RAB4B: variants seen among roughly 807,000 people sequenced by gnomAD.
RAB4B encodes the protein ras-related protein Rab-4B.
A neutral mutation model predicts 28.3 loss-of-function variants in RAB4B; 15 were observed. The ratio of observed to expected loss-of-function variants is 0.53; its 90% CI spans 0.35 to 0.82. The LOEUF (loss-of-function observed/expected upper bound fraction) is 0.82. Ranked by LOEUF, RAB4B falls within the 40% of genes least tolerant of loss-of-function variation. RAB4B has a pLI of 0.01. For synonymous variants in RAB4B, 108 were observed against 116.3 expected, an observed-to-expected ratio of 0.93 and a Z score of 0.46; for missense variants, 244 against 288.5, an observed-to-expected ratio of 0.85 and a Z score of 1.12.
At chr19:40,795,917 G>A (rs1449766925) in intron 7 of RAB4B, among the ~76,000 whole-genome samples, 1 of 150,310 alleles carries the variant, frequency 6.7e-6, no homozygotes. Flanking sequence ...ATGTTGGTCA[G>A]GCTGGTCTGG....
intron 1 of RAB4B, 37 bp downstream of exon 1, chr19:40,778,428 G>C: frequency 7.0e-7 from 1 of 1,424,218 alleles, no homozygotes. Context: ...CCTGGGTCTG[G>C]GCCCAGGGAG....
chr19:40,795,369 TTTTATTTATTTA>T (rs10594318), intron 7 of RAB4B, among the ~76,000 whole-genome samples: 40,660 of 145,518 alleles, frequency 0.28, 7,137 homozygotes, highest in East Asian at 0.44. Flanking sequence ...GGCAGGTTCA[TTTTATTTATTTA>T]TTTATTTATT....
At chr19:40,788,640 G>A (rs2083125998) in intron 7 of RAB4B, among the ~76,000 whole-genome samples, 1 of 150,952 alleles carries the variant, frequency 6.6e-6, no homozygotes. Flanking sequence ...AGGATGGAGT[G>A]CTGTGGCGTG....
chr19:40,791,074 C>G (rs931198040), intron 7 of RAB4B, among the ~76,000 whole-genome samples: 1 of 152,034 alleles, frequency 6.6e-6, no homozygotes, highest in Admixed American at 6.6e-5. Context: ...CCAGGATGGT[C>G]TCGATCTCCT....
intron 7 of RAB4B, among the ~76,000 whole-genome samples, chr19:40,790,351 T>G (rs1197478874): frequency 6.7e-6 from 1 of 149,062 alleles, no homozygotes; most frequent in Non-Finnish European, 1.5e-5. Flanking sequence ...TCTTGGCCTC[T>G]CTCTTTTTTT....
Position 40,778,313 on chromosome 19 carries a change from C to T in RAB4B, c.-63C>T. Reference sequence around the variant, plus strand: ...GGCTGTAGCCGGAGTGGAGCGGCTGCCAGCCGAGGAGCAGGCGCGGCCGCG... The same window carrying T: ...GGCTGTAGCCGGAGTGGAGCGGCTGTCAGCCGAGGAGCAGGCGCGGCCGCG... On this transcript the variant is annotated 5_prime_UTR_variant, in exon 1 of 8. Transcript: ENST00000357052. 6.8e-7 allele frequency: 1 copy of T among 1,464,668 alleles called. No individual in the cohort carries two copies. The highest frequency in any genetic ancestry group is 9.0e-7 in the Non-Finnish European group (1 of 1,106,072). 90.7% of individuals were successfully genotyped at this position (1,464,668 alleles called of 1,614,324 possible). A position where few individuals can be genotyped will look rare whatever the true frequency, so the allele number is the denominator to read the frequency against.
chr19:40,796,192 G>A (rs1196989169), intron 7 of RAB4B: 1 of 152,168 alleles, frequency 6.6e-6, no homozygotes, highest in Non-Finnish European at 1.5e-5. Flanking sequence ...GTAGAGACGG[G>A]GTTTCGTGGT....
intron 5 of RAB4B, among the ~76,000 whole-genome samples, chr19:40,784,496 A>AAAC (rs112167083): frequency 0.52 from 78,968 of 151,032 alleles, 21,688 homozygotes; most frequent in East Asian, 0.64. Context: ...CTGTCTCCAA[A>AAAC]AACAACAACA....
chr19:40,796,304 T>A (rs1240915727), intron 7 of RAB4B: 16 of 152,244 alleles, frequency 1.1e-4, no homozygotes, highest in Admixed American at 8.5e-4. Context: ...TCCATCCAGA[T>A]TCATGATATT....
intron 7 of RAB4B, among the ~76,000 whole-genome samples, chr19:40,788,171 C>T (rs568110033): frequency 6.6e-6 from 1 of 151,934 alleles, no homozygotes; most frequent in East Asian, 1.9e-4. Flanking sequence ...ATGGTGCTGA[C>T]ATTCTCTTTG....
intron 7 of RAB4B, among the ~76,000 whole-genome samples, chr19:40,795,958 C>G (rs917000650): frequency 6.6e-6 from 1 of 152,126 alleles, no homozygotes; most frequent in Admixed American, 6.5e-5. Context: ...CTGCCCGCCT[C>G]GGCCTCCCAA....
intron 3 of RAB4B, 103 bp downstream of exon 3, chr19:40,780,602 G>A: frequency 1.1e-6 from 1 of 935,640 alleles, no homozygotes; most frequent in Non-Finnish European, 1.7e-6. Flanking sequence ...GGCAGACAAG[G>A]CAGACAGAGA....
chr19:40,788,727 C>T (rs1029975077), intron 7 of RAB4B, among the ~76,000 whole-genome samples: 1 of 149,342 alleles, frequency 6.7e-6, no homozygotes, highest in South Asian at 2.1e-4. Flanking sequence ...GCTGAGATTA[C>T]AGGCGACTAC....
At chr19:40,780,928 A>G (rs1325736791) in intron 3 of RAB4B, among the ~76,000 whole-genome samples, 1 of 151,968 alleles carries the variant, frequency 6.6e-6, no homozygotes, top group Non-Finnish European at 1.5e-5. Context: ...ACTCACACTC[A>G]GAAAGGAAAA....
At chr19:40,778,996 G>A in intron 1 of RAB4B, 1 of 985,784 alleles carries the variant, frequency 1.0e-6, no homozygotes, top group Non-Finnish European at 1.2e-6. Flanking sequence ...AGGAGTCAGA[G>A]GGAGCCGCAT....
chr19:40,792,012 C>T (rs1456856801), intron 7 of RAB4B, among the ~76,000 whole-genome samples: 1 of 152,216 alleles, frequency 6.6e-6, no homozygotes, highest in African/African-American at 2.4e-5. Context: ...TATGTCTTGC[C>T]AGTTCTCCCT....
chr19:40,783,732 G>A (rs1237945493), intron 3 of RAB4B, 46 bp from the exon 4 acceptor site: 14 of 1,510,554 alleles, frequency 9.3e-6, no homozygotes, highest in Non-Finnish European at 1.2e-5. Flanking sequence ...GCATTCTCGG[G>A]GCAGACCCCA....
intron 7 of RAB4B, chr19:40,792,149 T>C (rs1206437884): frequency 6.6e-6 from 1 of 152,252 alleles, no homozygotes; most frequent in Non-Finnish European, 1.5e-5. Flanking sequence ...ATGGAATGGA[T>C]GTGTAATCTG....
Position 40,786,841 on chromosome 19 carries a change from C to T in RAB4B, c.527-7C>T. ...CAACCAATGCTGACCTCTCCCCTTCCCCACAGGCGAGCTAGACCCGGAGAG... is the reference window on the plus strand; with the variant it reads ...CAACCAATGCTGACCTCTCCCCTTCTCCACAGGCGAGCTAGACCCGGAGAG... On this transcript the variant is annotated splice_region_variant and splice_polypyrimidine_tract_variant and intron_variant, in intron 6 of 7. Coordinates refer to ENST00000357052, the MANE Select transcript of RAB4B (RefSeq NM_016154.5). 6.2e-7 allele frequency: 1 copy of T among 1,614,132 alleles called. No homozygotes were observed. The highest frequency in any genetic ancestry group is 8.5e-7 in the Non-Finnish European group (1 of 1,179,996).
Sources: allele counts gnomAD v4.1 joint callset (sites outside exome capture counted in the v4.1 genomes callset), GRCh38; gene constraint gnomAD v4.1.1; transcripts MANE v1.5; gene names NCBI Gene and HGNC (gene_info 2026-07-23, HGNC 2026-07-21).